Variants in RBM19 observed in about 807,000 individuals in gnomAD.
The protein encoded by RBM19 is probable RNA-binding protein 19.
Under a neutral mutation model 116.8 loss-of-function variants are expected in RBM19, and 94 were observed. That is an observed-to-expected ratio of 0.80 (90% CI 0.68 to 0.95). The LOEUF (loss-of-function observed/expected upper bound fraction) is 0.95, where lower values mean the gene tolerates loss of function less well. RBM19 is among the 40% of genes least tolerant of loss of function. RBM19 has a pLI of 0.00. For missense variants in RBM19, 1,161 were observed against 1,220.7 expected, an observed-to-expected ratio of 0.95 and a Z score of 0.73; for synonymous variants, 475 against 494.1, an observed-to-expected ratio of 0.96 and a Z score of 0.51.
At chr12:113,937,446 T>C (rs1870170619) in intron 15 of RBM19, among the ~76,000 whole-genome samples, 1 of 151,974 alleles carries the variant, frequency 6.6e-6, no homozygotes, top group Non-Finnish European at 1.5e-5. Context: ...GTTTCATACT[T>C]TAGATGGGAG....
intron 21 of RBM19, among the ~76,000 whole-genome samples, chr12:113,894,157 T>C (rs916828527): frequency 1.8e-5 from 2 of 114,258 alleles, no homozygotes; most frequent in African/African-American, 6.9e-5. Context: ...CCCTGAATGG[T>C]AGGTGAGAGG....
chr12:113,881,990 A>G (rs1262771136), intron 21 of RBM19, among the ~76,000 whole-genome samples: 1 of 152,240 alleles, frequency 6.6e-6, no homozygotes, highest in African/African-American at 2.4e-5. Flanking sequence ...GCCACTCGGT[A>G]CAGCTGGGTC....
chr12:113,965,418 A>T (rs1377151314), intron 1 of RBM19, among the ~76,000 whole-genome samples: 2 of 152,204 alleles, frequency 1.3e-5, no homozygotes, highest in Non-Finnish European at 2.9e-5. Context: ...TGAATTTGGG[A>T]GGGAAAGGAA....
At chr12:113,879,197 G>A (rs1215675524) in intron 21 of RBM19, among the ~76,000 whole-genome samples, 2 of 151,996 alleles carry the variant, frequency 1.3e-5, no homozygotes, top group Admixed American at 1.3e-4. Flanking sequence ...CCAGGGCACA[G>A]GACACCAGTG....
chr12:113,920,483 G>T (rs774156820), intron 19 of RBM19, 128 bp downstream of exon 19: 4 of 858,272 alleles, frequency 4.7e-6, no homozygotes, highest in African/African-American at 1.7e-5. Context: ...GTAGAGATCT[G>T]GGAAAAGCAA....
intron 22 of RBM19, among the ~76,000 whole-genome samples, chr12:113,858,548 C>T (rs985617323): frequency 6.6e-6 from 1 of 152,198 alleles, no homozygotes; most frequent in African/African-American, 2.4e-5. Flanking sequence ...GTTTATGTCC[C>T]AGGTTCCTGC....
chr12:113,939,524 CG>C (rs1191018514), intron 15 of RBM19, among the ~76,000 whole-genome samples: 3 of 151,650 alleles, frequency 2.0e-5, no homozygotes, highest in Non-Finnish European at 4.4e-5. Flanking sequence ...CTGAGGCGGG[CG>C]GATCACGAGG....
At chr12:113,854,701 C>T (rs1375917496) in intron 22 of RBM19, among the ~76,000 whole-genome samples, 2 of 152,204 alleles carry the variant, frequency 1.3e-5, no homozygotes, top group Non-Finnish European at 2.9e-5. Context: ...GTGATGAGGG[C>T]AGATGGTCAG....
intron 7 of RBM19, among the ~76,000 whole-genome samples, chr12:113,953,274 G>C (rs1334903624): frequency 1.3e-5 from 2 of 152,244 alleles, no homozygotes; most frequent in African/African-American, 2.4e-5. Flanking sequence ...GATCACCCGA[G>C]GTCAGGAGTT....
intron 1 of RBM19, among the ~76,000 whole-genome samples, chr12:113,963,068 G>T (rs909315866): frequency 2.0e-5 from 3 of 152,160 alleles, no homozygotes; most frequent in African/African-American, 7.2e-5. Flanking sequence ...GAAGGCAGGT[G>T]CTTCTAGAAG....
Position 113,948,841 on chromosome 12 carries a change from GAGA to G in RBM19, c.1265_1267del (p.Phe422del), listed in dbSNP as rs780805443. The G allele has an allele frequency of 1.2e-6, 2 of 1,614,160 alleles. No individual in the cohort carries two copies. Among genetic ancestry groups the G allele is most frequent in the East Asian group, 4.5e-5 (2 of 44,860 alleles). ...GGAGGCCACACCCCTACCATATTTG[GAGA>G]AGAGCTTCTCCAGATCCTCCTCGGT... is the stretch of plus-strand genomic sequence containing the variant. On this transcript the variant is annotated inframe_deletion, in exon 10 of 24. Transcript: ENST00000261741.
intron 7 of RBM19, among the ~76,000 whole-genome samples, chr12:113,953,665 G>A (rs773806473): frequency 3.3e-5 from 5 of 152,146 alleles, no homozygotes; most frequent in South Asian, 2.1e-4. Context: ...CTGCTACAGC[G>A]AGCATAAACT....
At chr12:113,843,958 T>C (rs1000567589) in intron 23 of RBM19, among the ~76,000 whole-genome samples, 1 of 152,230 alleles carries the variant, frequency 6.6e-6, no homozygotes, top group African/African-American at 2.4e-5. Flanking sequence ...CAGCCCTTTG[T>C]TGGGTACAGA....
intron 13 of RBM19, among the ~76,000 whole-genome samples, chr12:113,945,520 A>C (rs561149470): frequency 1.3e-5 from 2 of 152,306 alleles, no homozygotes; most frequent in South Asian, 4.1e-4. Context: ...ACCCTACTTC[A>C]CAGGGCCATT....
chr12:113,846,193 C>T (rs1440915186), intron 22 of RBM19, among the ~76,000 whole-genome samples: 1 of 152,152 alleles, frequency 6.6e-6, no homozygotes, highest in Non-Finnish European at 1.5e-5. Flanking sequence ...TAAGAAGGCC[C>T]TTTGCTTTGC....
chr12:113,924,599 G>T, intron 18 of RBM19, 98 bp downstream of exon 18: 1 of 1,084,144 alleles, frequency 9.2e-7, no homozygotes, highest in Non-Finnish European at 1.4e-6. Context: ...ATGTGCAAGG[G>T]AGAACTACCC....
At chr12:113,847,206 A>G (rs895369138) in intron 22 of RBM19, among the ~76,000 whole-genome samples, 1 of 152,250 alleles carries the variant, frequency 6.6e-6, no homozygotes, top group Admixed American at 6.5e-5. Context: ...TAAACAAATG[A>G]ATCCGAAGAG....
At chr12:113,843,594 T>C (rs986261724) in intron 23 of RBM19, among the ~76,000 whole-genome samples, 1 of 152,130 alleles carries the variant, frequency 6.6e-6, no homozygotes, top group Non-Finnish European at 1.5e-5. Flanking sequence ...CAGCTGCCCT[T>C]TTGCTGCCGG....
intron 1 of RBM19, among the ~76,000 whole-genome samples, chr12:113,964,394 T>A (rs1872715547): frequency 6.6e-6 from 1 of 152,242 alleles, no homozygotes; most frequent in South Asian, 2.1e-4. Flanking sequence ...ACTCTCCAAG[T>A]GTCAGCTGCA....
Sources: allele counts gnomAD v4.1 joint callset (sites outside exome capture counted in the v4.1 genomes callset), GRCh38; gene constraint gnomAD v4.1.1; transcripts MANE v1.5; gene names NCBI Gene and HGNC (gene_info 2026-07-23, HGNC 2026-07-21).